Variants in PDE7B observed in about 807,000 individuals in gnomAD.
PDE7B encodes phosphodiesterase 7B, also known as 3',5'-cyclic-AMP phosphodiesterase 7B.
PDE7B carries 29 observed loss-of-function variants against 56.2 expected under a neutral mutation model. The observed-to-expected ratio is 0.52, with a 90% CI of 0.38 to 0.70. PDE7B has a LOEUF of 0.70. Ranked by LOEUF, PDE7B falls within the 30% of genes least tolerant of loss-of-function variation. PDE7B has a pLI of 0.00. For missense variants in PDE7B, 490 were observed against 565.0 expected, an observed-to-expected ratio of 0.87 and a Z score of 1.35; for synonymous variants, 197 against 196.9, an observed-to-expected ratio of 1.00 and a Z score of 0.00.
In PDE7B at chr6:136,048,113, T is replaced by C. The variant is rs78205071; in HGVS notation, c.83-60618T>C. Among the ~76,000 whole-genome samples the C allele has an allele frequency of 7.0e-3, 1,041 of 148,036 alleles. 16 individuals are homozygous for C. The highest frequency in any genetic ancestry group is 0.025 in the African/African-American group (969 of 38,196). On this transcript the variant is annotated intron_variant, in intron 2 of 12. Coordinates refer to ENST00000308191, the MANE Select transcript of PDE7B (RefSeq NM_018945.4). ...ATAGACAGACAGACAGACAGACAGA[T>C]AGATAGATGTGATATATAATATACT... is the stretch of plus-strand genomic sequence containing the variant.
intron 2 of PDE7B, among the ~76,000 whole-genome samples, chr6:135,955,623 C>T (rs770206207): frequency 2.6e-5 from 4 of 152,220 alleles, no homozygotes; most frequent in Admixed American, 1.3e-4. Context: ...GGGAGATACA[C>T]ACTTTAGACA....
Position 135,876,046 on chromosome 6 carries a change from G to A in PDE7B, c.21+24027G>A, listed in dbSNP as rs558094549. 2.6e-3 allele frequency among the ~76,000 whole-genome samples: 389 copies of A among 152,284 alleles called. 4 individuals carry two copies. The highest frequency in any genetic ancestry group is 9.1e-3 in the African/African-American group (377 of 41,572). ...GAGCAGAACGGGAAAGGAATAGATAGAGACAGCCTTCAGACCTCAGGGCAG... is the reference window on the plus strand; with the variant it reads ...GAGCAGAACGGGAAAGGAATAGATAAAGACAGCCTTCAGACCTCAGGGCAG... On this transcript the variant is annotated intron_variant, in intron 1 of 12. Coordinates refer to ENST00000308191, the MANE Select transcript of PDE7B (RefSeq NM_018945.4).
At position 135,930,538 on chromosome 6, in the gene PDE7B, A is replaced by G. The variant is rs548961660; in HGVS notation, c.22-16926A>G. On this transcript the variant is annotated intron_variant, in intron 1 of 12. Coordinates refer to ENST00000308191, the MANE Select transcript of PDE7B (RefSeq NM_018945.4). ...AAATCTAAGCATAGGATGAGAATGCAGTGAGGACTGAGGGCCCATGGTAGA... is the reference window on the plus strand; with the variant it reads ...AAATCTAAGCATAGGATGAGAATGCGGTGAGGACTGAGGGCCCATGGTAGA... 2.4e-4 allele frequency among the ~76,000 whole-genome samples: 36 copies of G among 152,278 alleles called. 1 individual carries two copies. The highest frequency in any genetic ancestry group is 1.2e-4 in the Non-Finnish European group (8 of 68,012).
At chr6:136,080,612 G>A (rs1777191238) in intron 2 of PDE7B, among the ~76,000 whole-genome samples, 1 of 152,150 alleles carries the variant, frequency 6.6e-6, no homozygotes. Flanking sequence ...AGCCATTTTT[G>A]TTCAGTAGAT....
chr6:136,099,967 G>A (rs1228069003), intron 2 of PDE7B, among the ~76,000 whole-genome samples: 3 of 152,154 alleles, frequency 2.0e-5, no homozygotes, highest in Non-Finnish European at 4.4e-5. Context: ...ATAAGGAAGG[G>A]ATCCAGTTTC....
At chr6:135,976,830 C>A (rs1020694407) in intron 2 of PDE7B, among the ~76,000 whole-genome samples, 2 of 152,160 alleles carry the variant, frequency 1.3e-5, no homozygotes, top group Admixed American at 6.5e-5. Context: ...GGGCTTCCTG[C>A]TGGTTCACCT....
intron 1 of PDE7B, among the ~76,000 whole-genome samples, chr6:135,899,119 G>T (rs1775953370): frequency 1.3e-5 from 2 of 152,014 alleles, no homozygotes; most frequent in African/African-American, 4.8e-5. Context: ...ATGTGACTTT[G>T]CTCCTCATTC....
intron 7 of PDE7B, among the ~76,000 whole-genome samples, chr6:136,154,463 A>G (rs575318025): frequency 4.9e-4 from 74 of 152,058 alleles, no homozygotes; most frequent in Non-Finnish European, 1.0e-3. Context: ...TACATCTTAG[A>G]TACCTTCAAC....
intron 2 of PDE7B, among the ~76,000 whole-genome samples, chr6:136,008,842 G>A (rs941309968): frequency 6.6e-6 from 1 of 152,086 alleles, no homozygotes; most frequent in African/African-American, 2.4e-5. Flanking sequence ...AGTTTAATTA[G>A]ATCCCATTTG....
At chr6:135,977,009 T>C (rs908603712) in intron 2 of PDE7B, among the ~76,000 whole-genome samples, 1 of 152,136 alleles carries the variant, frequency 6.6e-6, no homozygotes, top group African/African-American at 2.4e-5. Context: ...TTCTGTGTAT[T>C]CTGAGAGAGC....
At chr6:136,048,392 G>GCA (rs1280661116) in intron 2 of PDE7B, among the ~76,000 whole-genome samples, 7 of 152,042 alleles carry the variant, frequency 4.6e-5, no homozygotes, top group African/African-American at 1.7e-4. Flanking sequence ...CGTGGTGGTG[G>GCA]GTGCCTGTAA....
rs181082729 is a variant in PDE7B, at chr6:135,995,931, C to T, written c.82+48407C>T. ...TTTATAATTTAATTGTTAATTAACA[C>T]CATAAATTTCTCAGCTTTCTTTAAA... is the stretch of plus-strand genomic sequence containing the variant. On this transcript the variant is annotated intron_variant, in intron 2 of 12. Coordinates refer to ENST00000308191, the MANE Select transcript of PDE7B (RefSeq NM_018945.4). Among the ~76,000 whole-genome samples, 6 of 152,198 alleles carry T rather than the reference C, an allele frequency of 3.9e-5. No individual in the cohort carries two copies. The East Asian group carries it at 1.2e-3, about 29-fold the overall frequency.
chr6:135,855,418 A>AAGGAGGCAGTGATGGAAAACTGCAG (rs1775007651), intron 1 of PDE7B, among the ~76,000 whole-genome samples: 1 of 152,156 alleles, frequency 6.6e-6, no homozygotes. Flanking sequence ...GAAGTCTGAG[A>AAGGAGGCAGTGATGGAAAACTGCAG]AGGAGGCAGT....
chr6:136,095,392 T>C (rs1777456197), intron 2 of PDE7B, among the ~76,000 whole-genome samples: 2 of 152,204 alleles, frequency 1.3e-5, no homozygotes, highest in Non-Finnish European at 2.9e-5. Context: ...TAAAATTTTA[T>C]TACAAAGTGA....
At chr6:135,996,505 G>A (rs999436922) in intron 2 of PDE7B, among the ~76,000 whole-genome samples, 4 of 152,110 alleles carry the variant, frequency 2.6e-5, no homozygotes, top group African/African-American at 7.2e-5. Flanking sequence ...CTTACAAAAG[G>A]CGAGAAAATA....
At chr6:135,959,240 G>A (rs1228609739) in intron 2 of PDE7B, among the ~76,000 whole-genome samples, 2 of 152,100 alleles carry the variant, frequency 1.3e-5, no homozygotes, top group Non-Finnish European at 2.9e-5. Context: ...ATTCCATGAA[G>A]TTGGTGAATA....
chr6:136,052,225 C>T (rs899874740), intron 2 of PDE7B, among the ~76,000 whole-genome samples: 3 of 152,100 alleles, frequency 2.0e-5, no homozygotes, highest in Non-Finnish European at 4.4e-5. Flanking sequence ...AGAAGAGTTA[C>T]GCAAAGCAGT....
chr6:136,095,891 G>A (rs566831458), intron 2 of PDE7B: 2 of 152,134 alleles, frequency 1.3e-5, no homozygotes, highest in Admixed American at 6.5e-5. Flanking sequence ...CACACTCAAG[G>A]TTCAATAAAT....
intron 1 of PDE7B, among the ~76,000 whole-genome samples, chr6:135,916,073 C>T (rs1004518210): frequency 1.3e-5 from 2 of 152,048 alleles, no homozygotes; most frequent in Non-Finnish European, 2.9e-5. Flanking sequence ...GTAGCTGGGG[C>T]AGAACTACAC....
Sources: gnomAD v4.1 joint callset for allele counts (sites outside exome capture counted in the v4.1 genomes callset) on GRCh38, gnomAD v4.1.1 for gene constraint, MANE v1.5 for transcripts, NCBI Gene and HGNC (gene_info 2026-07-23, HGNC 2026-07-21) for gene names.